DSP: variants seen among roughly 807,000 people sequenced by gnomAD.
The protein encoded by DSP is 250/210 kDa paraneoplastic pemphigus antigen.
DSP carries 114 observed loss-of-function variants against 290.6 expected under a neutral mutation model. The ratio of observed to expected loss-of-function variants is 0.39; its 90% CI spans 0.34 to 0.46. The LOEUF is 0.46. DSP is among the 20% of genes least tolerant of loss of function. DSP has a pLI of 0.99. For synonymous variants in DSP, 1,311 were observed against 1,316.4 expected (o/e 1.00, Z 0.09); for missense variants, 3,230 against 3,495.8 (o/e 0.92, Z 1.92).
At position 7,571,830 on chromosome 6, in the gene DSP, T is replaced by C; in HGVS notation, c.1904-12T>C. On this transcript the variant is annotated splice_polypyrimidine_tract_variant and intron_variant, in intron 14 of 23. Coordinates refer to ENST00000379802, the MANE Select transcript of DSP (RefSeq NM_004415.4). ...ATTCTCTGATTTTTGTGGCCCTAAC[T>C]TCTTTTTACAGTGACCACAACTGAA... is the stretch of plus-strand genomic sequence containing the variant. 1 of 1,611,030 alleles carries C rather than the reference T, an allele frequency of 6.2e-7. No homozygotes were observed. Among genetic ancestry groups the C allele is most frequent in the Non-Finnish European group, 8.5e-7 (1 of 1,179,902 alleles).
rs757726608 is a variant in DSP at position 7,571,588 on chromosome 6, G to A, written c.1903+4G>A. ...GGCTATCCCCAGCACCAGACAGGTC[G>A]GCTTGGGACATCTTTCTCTTTGTAT... On this transcript the variant is annotated splice_donor_region_variant and intron_variant, in intron 14 of 23. Coordinates refer to ENST00000379802, the MANE Select transcript of DSP (RefSeq NM_004415.4). 33 of 1,613,918 alleles carry A rather than the reference G, an allele frequency of 2.0e-5. No individual in the cohort carries two copies. Among genetic ancestry groups the A allele is most frequent in the South Asian group, 1.6e-4 (15 of 91,076 alleles).
intron 2 of DSP, 105 bp downstream of exon 2, chr6:7,555,925 G>A (rs764440076): frequency 2.7e-5 from 26 of 952,420 alleles, no homozygotes; most frequent in African/African-American, 1.9e-4. Flanking sequence ...CCTCTTTCAC[G>A]TAGTGTTTAG....
In DSP at chr6:7,580,702, C is replaced by A; in HGVS notation, c.4512C>A (p.Asn1504Lys). 6.2e-7 allele frequency: 1 copy of A among 1,613,958 alleles called. No individual in the cohort carries two copies. The highest frequency in any genetic ancestry group is 2.2e-5 in the East Asian group (1 of 44,884). The part of the protein sequence containing the change: ...TNDRKCLEDE[N>K]ARLQRVQYDL... ...ACCGGAAATGCCTGGAAGATGAAAA[C>A]GCGAGATTACAAAGGGTCCAGTATG... is the stretch of plus-strand genomic sequence containing the variant. Residue 1504 changes from asparagine to lysine, a missense_variant, in exon 23 of 24, where the codon AAC becomes AAA. Transcript: ENST00000379802. This position sits in a 1 kb window ranked among gnomAD's most constrained non-coding sequence, Gnocchi z 4.2.
chr6:7,551,247 T>TA (rs1057228150), intron 1 of DSP, among the ~76,000 whole-genome samples: 9 of 151,524 alleles, frequency 5.9e-5, no homozygotes, highest in East Asian at 1.9e-4. Flanking sequence ...TTTCTGAGAT[T>TA]AAAAAAAAAT....
In DSP at chr6:7,581,204, C is replaced by G. The variant is rs786205416; in HGVS notation, c.5014C>G (p.Gln1672Glu). 2 of 1,614,044 alleles carry G rather than the reference C, an allele frequency of 1.2e-6. No individual in the cohort carries two copies. Among genetic ancestry groups the G allele is most frequent in the Non-Finnish European group, 1.7e-6 (2 of 1,180,054 alleles). Residue 1672 changes from glutamine to glutamate, a missense_variant, in exon 23 of 24, where the codon CAG (glutamine) becomes GAG (glutamate). Around this residue, in one of 5 missense-constraint regions of DSP, gnomAD observed 1,714 missense variants for 1,844.5 expected, o/e 0.93. Coordinates refer to ENST00000379802, the MANE Select transcript of DSP (RefSeq NM_004415.4). ...CCTGAGGCGGCAGTTACTCCAGGAA[C>G]AGGAAAGTGTCAAACAAGCTCACTT... ...EALRRQLLQE[Q>E]ESVKQAHLRN...
chr6:7,585,311 C>T lies in DSP; in HGVS notation c.8049C>T (p.Asp2683=). 6.2e-7 allele frequency: 1 copy of T among 1,614,166 alleles called. No homozygotes were observed. The highest frequency in any genetic ancestry group is 8.5e-7 in the Non-Finnish European group (1 of 1,180,026). The change falls in exon 24 of 24, where the codon GAC becomes GAT. Residue 2683 remains aspartate (D), a synonymous_variant. Transcript: ENST00000379802. The stretch of plus-strand genomic sequence containing the variant: ...TCTCCCAGGGTGTGATTGACCAAGA[C>T]ATGGCCACCAGGCTGAAGCCTGCTC... The part of the protein sequence containing the change: ...DAVSQGVIDQ[D]MATRLKPAQK...
At chr6:7,552,496 G>A (rs896114408) in intron 1 of DSP, among the ~76,000 whole-genome samples, 3 of 150,948 alleles carry the variant, frequency 2.0e-5, no homozygotes, top group Non-Finnish European at 4.4e-5. Flanking sequence ...CCAGGAAGTG[G>A]AGGTTGCAGT....
At chr6:7,546,856 A>G (rs1376907537) in intron 1 of DSP, among the ~76,000 whole-genome samples, 1 of 152,206 alleles carries the variant, frequency 6.6e-6, no homozygotes, top group African/African-American at 2.4e-5. Flanking sequence ...TAATGGGACA[A>G]TACAGCTTTC....
At chr6:7,574,509 G>T in intron 16 of DSP, 148 bp from the exon 17 acceptor site, 1 of 1,133,870 alleles carries the variant, frequency 8.8e-7, no homozygotes, top group Non-Finnish European at 1.3e-6. Context: ...ACAAAATGTT[G>T]GTCTGAATCA....
Position 7,574,363 on chromosome 6 carries a change from C to T in DSP, c.2297+111C>T. Reference sequence around the variant, plus strand: ...CAGTTTCTCTGTTACTAGAGATTTACTTACATCCTTCTGTGGTTTGGAGAG... The same window carrying T: ...CAGTTTCTCTGTTACTAGAGATTTATTTACATCCTTCTGTGGTTTGGAGAG... On this transcript the variant is annotated intron_variant, in intron 16 of 23. Coordinates refer to ENST00000379802, the MANE Select transcript of DSP (RefSeq NM_004415.4). 4.3e-6 allele frequency: 5 copies of T among 1,149,998 alleles called. No homozygotes were observed. The Admixed American group carries it at 5.6e-5, about 13-fold the overall frequency. 71.2% of individuals were successfully genotyped at this position (1,149,998 alleles called of 1,614,324 possible). A position where few individuals can be genotyped will look rare whatever the true frequency, so the allele number is the denominator to read the frequency against.
rs763652996 is a variant in DSP at position 7,571,940 on chromosome 6, A to T, written c.2002A>T (p.Met668Leu). Reference sequence around the variant, plus strand: ...AGAAAATGACAAGCAAGAAACATGGATGCTGATGGAGCTGCAGAAGATTCG... The same window carrying T: ...AGAAAATGACAAGCAAGAAACATGGTTGCTGATGGAGCTGCAGAAGATTCG... The part of the protein sequence containing the change: ...NRENDKQETW[M>L]LMELQKIRRQ... Residue 668 changes from methionine (M) to leucine (L), a missense_variant, in exon 15 of 24, where the codon ATG (methionine) becomes TTG (leucine). Met to Leu is a conservative substitution (Grantham distance 15, BLOSUM62 2). This residue lies in a region of DSP where 1,714 missense variants were observed against 1,844.5 expected (regional missense o/e 0.93). Coordinates refer to ENST00000379802, the MANE Select transcript of DSP (RefSeq NM_004415.4). The T allele has an allele frequency of 1.2e-6, 2 of 1,614,100 alleles. No homozygotes were observed. The highest frequency in any genetic ancestry group is 1.7e-6 in the Non-Finnish European group (2 of 1,180,048).
At chr6:7,544,145 G>A (rs187591572) in intron 1 of DSP, among the ~76,000 whole-genome samples, 10 of 152,288 alleles carry the variant, frequency 6.6e-5, no homozygotes, top group African/African-American at 2.4e-4. Flanking sequence ...GTCGGGAGGC[G>A]GTCATTCTTT....
chr6:7,569,869 C>T (rs1267310220), intron 12 of DSP, among the ~76,000 whole-genome samples: 2 of 152,030 alleles, frequency 1.3e-5, no homozygotes, highest in Admixed American at 6.6e-5. Flanking sequence ...TGTAGTGGGG[C>T]CAGAGTGAAT....
In DSP at chr6:7,542,123, G is replaced by A. The variant is rs764727055; in HGVS notation, c.170+38G>A. The A allele has an allele frequency of 1.5e-5, 24 of 1,550,368 alleles. No individual in the cohort carries two copies. The South Asian group carries it at 2.9e-4, about 18-fold the overall frequency. ...CCGGAGAGCGCGGGCTGCGGGGCTC[G>A]CGGGACAGGGAGGGACCGTCCTCCT... On this transcript the variant is annotated intron_variant, in intron 1 of 23. Coordinates refer to ENST00000379802, the MANE Select transcript of DSP (RefSeq NM_004415.4).
At position 7,582,772 on chromosome 6, in the gene DSP, A is replaced by G. The variant is rs2113698012; in HGVS notation, c.5510A>G (p.Asn1837Ser). The change falls in exon 24 of 24, where the codon AAT becomes AGT. Residue 1837 changes from asparagine to serine, a missense_variant. Coordinates refer to ENST00000379802, the MANE Select transcript of DSP (RefSeq NM_004415.4). This position sits in a 1 kb window ranked among gnomAD's most constrained non-coding sequence, Gnocchi z 4.2. ...CTGCAGAGGCTGGAGGATGAGCTGA[A>G]TCGTGCAAAATCAACTCTAGAGGCA... ...ARLQRLEDEL[N>S]RAKSTLEAET... The G allele has an allele frequency of 1.9e-6, 3 of 1,614,000 alleles. No homozygotes were observed. The highest frequency in any genetic ancestry group is 2.2e-5 in the South Asian group (2 of 91,072).
chr6:7,570,419 T>C lies in DSP; in HGVS notation c.1575-18T>C, dbSNP rs1759007098. ...GTGAAAGCCTGGCTCTAGCATGTTT[T>C]CCCTTTGTGCCTCTTAGGATTGAGC... On this transcript the variant is annotated intron_variant, in intron 12 of 23. Transcript: ENST00000379802. 6.2e-7 allele frequency: 1 copy of C among 1,614,046 alleles called. No homozygotes were observed. Among genetic ancestry groups the C allele is most frequent in the Admixed American group, 1.7e-5 (1 of 60,000 alleles).
chr6:7,561,246 C>T (rs1371062393), intron 4 of DSP, among the ~76,000 whole-genome samples: 4 of 152,194 alleles, frequency 2.6e-5, no homozygotes, highest in African/African-American at 9.6e-5. Flanking sequence ...GCCACCACGC[C>T]CAGCCAGTTT....
At position 7,565,381 on chromosome 6, in the gene DSP, A is replaced by G. The variant is rs1274581796; in HGVS notation, c.800A>G (p.Asp267Gly). 1.2e-6 allele frequency: 2 copies of G among 1,614,114 alleles called. No homozygotes were observed. Among genetic ancestry groups the G allele is most frequent in the Admixed American group, 1.7e-5 (1 of 60,020 alleles). ...CAGAAAGCGTCCTTTGAGAGGATGG[A>G]TCACCTGCGACAGCTGCAGAACATC... ...NLLKASFERM[D>G]HLRQLQNIIQ... Residue 267 changes from aspartate to glycine, a missense_variant, in exon 7 of 24, where the codon GAT becomes GGT. Transcript: ENST00000379802. The surrounding 1 kb of genome is among the most constrained non-coding windows in gnomAD (Gnocchi z 4.2).
At position 7,575,273 on chromosome 6, in the gene DSP, CTT is replaced by C. The variant is rs727502998; in HGVS notation, c.2437-12_2437-11del. On this transcript the variant is annotated intron_variant, in intron 17 of 23. Coordinates refer to ENST00000379802, the MANE Select transcript of DSP (RefSeq NM_004415.4). Reference sequence around the variant, plus strand: ...ATGGGAGAAGGGATTAATTTGCAATCTTTTTTTTTTTCATCTTGCAGAAAATA... The same window carrying C: ...ATGGGAGAAGGGATTAATTTGCAATCTTTTTTTTTCATCTTGCAGAAAATA... The C allele has an allele frequency of 4.7e-5, 57 of 1,215,490 alleles. No homozygotes were observed. Among genetic ancestry groups the C allele is most frequent in the Non-Finnish European group, 6.4e-5 (56 of 875,928 alleles). 75.3% of individuals were successfully genotyped at this position (1,215,490 alleles called of 1,614,324 possible).
Sources: allele counts gnomAD v4.1 joint callset (sites outside exome capture counted in the v4.1 genomes callset), GRCh38; gene constraint gnomAD v4.1.1; regional missense constraint gnomAD v4.1.1; non-coding constraint Gnocchi (gnomAD v3.1); transcripts MANE v1.5; gene names NCBI Gene and HGNC (gene_info 2026-07-23, HGNC 2026-07-21).